The following DMD variants were observed in gnomAD, a reference collection of about 807,000 sequenced individuals.
DMD encodes the protein dystrophin.
In DMD, 63 loss-of-function variants were observed where a neutral mutation model predicts 330.1. The ratio of observed to expected loss-of-function variants is 0.19; its 90% CI spans 0.16 to 0.24. The LOEUF is 0.24. Among genes scored for constraint, DMD ranks in the 10% least tolerant of loss-of-function variants. DMD has a pLI of 1.00. For synonymous variants in DMD, 1,223 were observed against 959.8 expected (o/e 1.27, Z -5.07); for missense variants, 3,344 against 2,684.1 (o/e 1.25, Z -5.43).
At chrX:32,028,121 G>T (rs1423556240) in intron 44 of DMD, among the ~76,000 whole-genome samples, 1 of 111,908 alleles carries the variant, frequency 8.9e-6, no homozygotes, top group Non-Finnish European at 1.9e-5. Context: ...CTGTTCAAAT[G>T]AAAACAAGTG....
At chrX:32,262,551 C>G (rs1038889944) in intron 43 of DMD, among the ~76,000 whole-genome samples, 13 of 111,475 alleles carry the variant, frequency 1.2e-4, no homozygotes, top group Non-Finnish European at 2.4e-4. Context: ...TTGGCCAATA[C>G]ACTACCTAAA....
At chrX:32,236,065 A>G (rs1462346271) in intron 43 of DMD, among the ~76,000 whole-genome samples, 1 of 112,035 alleles carries the variant, frequency 8.9e-6, no homozygotes, top group African/African-American at 3.2e-5. Flanking sequence ...AACTAATAAG[A>G]TAGTATTTGA....
intron 50 of DMD, among the ~76,000 whole-genome samples, chrX:31,787,265 G>A (rs2091351755): frequency 9.0e-6 from 1 of 111,314 alleles, no homozygotes; most frequent in South Asian, 3.8e-4. Context: ...CAGCTACTTG[G>A]GAGGCTGAGG....
intron 54 of DMD, among the ~76,000 whole-genome samples, chrX:31,651,122 A>G: frequency 8.9e-6 from 1 of 112,320 alleles, no homozygotes; most frequent in South Asian, 3.7e-4. Context: ...GAAAGGTAGA[A>G]GGTAATTCTT....
Position 31,522,363 on chromosome X carries a change from C to CTCTCTCTA in DMD, c.8218-14911_8218-14910insTAGAGAGA. ...TCTCTCTCTCTCTCTCTCTCTCTCT[C>CTCTCTCTA]TATATATATATATATATATATATAG... On this transcript the variant is annotated intron_variant, in intron 55 of 78. Transcript: ENST00000357033. Among the ~76,000 whole-genome samples, 29 of 35,958 alleles carry CTCTCTCTA rather than the reference C, an allele frequency of 8.1e-4. 1 individual carries two copies. Among genetic ancestry groups the CTCTCTCTA allele is most frequent in the African/African-American group, 4.7e-3 (25 of 5,286 alleles). The allele number at this position is 35,958 out of a possible 115,157, so 31.2% of individuals were successfully genotyped here. A position where few individuals can be genotyped will look rare whatever the true frequency, so the allele number is the denominator to read the frequency against.
intron 11 of DMD, among the ~76,000 whole-genome samples, chrX:32,627,790 T>A (rs1255759182): frequency 8.9e-6 from 1 of 112,051 alleles, no homozygotes; most frequent in Non-Finnish European, 1.9e-5. Context: ...TTGTCATTAA[T>A]AATTTTATTA....
Position 32,841,569 on chromosome X carries a change from A to G in DMD, c.264+3214T>C, listed in dbSNP as rs185551907. Among the ~76,000 whole-genome samples the G allele has an allele frequency of 4.6e-4, 52 of 112,049 alleles. No homozygotes were observed. In the East Asian group the frequency reaches 0.013, roughly 29 times the overall value. On this transcript the variant is annotated intron_variant, in intron 4 of 78. Coordinates refer to ENST00000357033, the MANE Select transcript of DMD (RefSeq NM_004006.3). ...CCACATATGTACGGACAAATTTTTA[A>G]TGACACACTTAGTACTGTGAAGCAA...
At chrX:33,318,379 G>A (rs1157578921) in intron 1 of DMD, among the ~76,000 whole-genome samples, 2 of 109,548 alleles carry the variant, frequency 1.8e-5, no homozygotes, top group Non-Finnish European at 3.8e-5. Context: ...AAATTTTAAA[G>A]TATTAAAAGT....
chrX:32,946,326 C>G lies in DMD; in HGVS notation c.93+73813G>C, dbSNP rs1347504158. Among the ~76,000 whole-genome samples, 6 of 110,842 alleles carry G rather than the reference C, an allele frequency of 5.4e-5. No homozygotes were observed. The Admixed American group carries it at 5.8e-4, about 11-fold the overall frequency. Reference sequence around the variant, plus strand: ...TTTTTTTTGGTTCAAGGAAAGAACACTACTTTTTCTCTCCTGTTACAAAAA... The same window carrying G: ...TTTTTTTTGGTTCAAGGAAAGAACAGTACTTTTTCTCTCCTGTTACAAAAA... On this transcript the variant is annotated intron_variant, in intron 2 of 78. Coordinates refer to ENST00000357033, the MANE Select transcript of DMD (RefSeq NM_004006.3).
intron 9 of DMD, among the ~76,000 whole-genome samples, chrX:32,646,324 G>A (rs1409427838): frequency 9.0e-6 from 1 of 111,238 alleles, no homozygotes; most frequent in Non-Finnish European, 1.9e-5. Flanking sequence ...TGTACTCCTT[G>A]CAGGTCGCCG....
chrX:32,496,531 G>A (rs1056702993), intron 19 of DMD, among the ~76,000 whole-genome samples: 9 of 111,741 alleles, frequency 8.1e-5, no homozygotes, highest in East Asian at 2.8e-4. Context: ...GCCCTTTTGC[G>A]TTTTTATTTT....
chrX:31,702,576 C>T (rs947761248), intron 52 of DMD, among the ~76,000 whole-genome samples: 2 of 111,573 alleles, frequency 1.8e-5, no homozygotes, highest in Middle Eastern at 4.2e-3. Flanking sequence ...TCTCTCTCTT[C>T]CCTAGATTGC....
chrX:31,126,606 A>T, intron 78 of DMD, 36 bp downstream of exon 78: 3 of 1,176,024 alleles, frequency 2.6e-6, no homozygotes, highest in Non-Finnish European at 3.5e-6. Flanking sequence ...GATGAGACAG[A>T]CAGAAGCCAT....
chrX:33,310,826 C>T (rs1006164136), intron 1 of DMD, among the ~76,000 whole-genome samples: 1 of 110,466 alleles, frequency 9.1e-6, no homozygotes, highest in Non-Finnish European at 1.9e-5. Flanking sequence ...TCAAGATGTC[C>T]CTAAAACATT....
chrX:33,104,704 A>T (rs1254251144), intron 1 of DMD, among the ~76,000 whole-genome samples: 1 of 112,337 alleles, frequency 8.9e-6, no homozygotes, highest in Non-Finnish European at 1.9e-5. Flanking sequence ...ACGGACGCGT[A>T]TGAAAGAAAC....
At chrX:32,438,441 T>C (rs771776782) in intron 28 of DMD, 51 bp from the exon 29 acceptor site, 3 of 1,158,021 alleles carry the variant, frequency 2.6e-6, no homozygotes, top group Non-Finnish European at 3.5e-6. Context: ...TCTAAATACA[T>C]TGGATTATCA....
At chrX:31,187,920 G>C (rs1169124039) in intron 67 of DMD, among the ~76,000 whole-genome samples, 4 of 112,034 alleles carry the variant, frequency 3.6e-5, no homozygotes, top group Admixed American at 2.8e-4. Context: ...ACAGACTTAA[G>C]CAGCATGAAG....
intron 27 of DMD, among the ~76,000 whole-genome samples, chrX:32,442,466 T>C (rs1049562407): frequency 6.3e-5 from 7 of 111,295 alleles, no homozygotes; most frequent in African/African-American, 2.3e-4. Flanking sequence ...AGATACCATG[T>C]TGATTGACAC....
In DMD at chrX:31,313,166, T is replaced by TA. The variant is rs755202886; in HGVS notation, c.9224+10431dup. On this transcript the variant is annotated intron_variant, in intron 62 of 78. Coordinates refer to ENST00000357033, the MANE Select transcript of DMD (RefSeq NM_004006.3). The stretch of plus-strand genomic sequence containing the variant: ...GACCAGAATCAAACATTTTAAAAAT[T>TA]AAAAAAAAAAAAAAGAAATACTTTG... Among the ~76,000 whole-genome samples the TA allele has an allele frequency of 5.6e-4, 54 of 97,272 alleles. 3 individuals are homozygous for TA. Among genetic ancestry groups the TA allele is most frequent in the Admixed American group, 1.0e-3 (9 of 9,037 alleles). The allele number at this position is 97,272 out of a possible 115,157, so 84.5% of individuals were successfully genotyped here.
Sources: allele counts gnomAD v4.1 joint callset (sites outside exome capture counted in the v4.1 genomes callset), GRCh38; gene constraint gnomAD v4.1.1; transcripts MANE v1.5; gene names NCBI Gene and HGNC (gene_info 2026-07-23, HGNC 2026-07-21).